The following SRBD1 variants were observed in gnomAD, a reference collection of about 807,000 sequenced individuals.
The protein encoded by SRBD1 is S1 RNA binding domain 1, also known as S1 RNA-binding domain-containing protein 1.
A neutral mutation model predicts 115.3 loss-of-function variants in SRBD1; 88 were observed. The ratio of observed to expected loss-of-function variants is 0.76; its 90% CI spans 0.64 to 0.91. SRBD1 has a LOEUF of 0.91. SRBD1 is among the 40% of genes least tolerant of loss of function. SRBD1 has a pLI of 0.00. For synonymous variants in SRBD1, 509 were observed against 407.7 expected, an observed-to-expected ratio of 1.25 and a Z score of -2.99; for missense variants, 1,385 against 1,177.4, an observed-to-expected ratio of 1.18 and a Z score of -2.58.
chr2:45,403,331 C>CA (rs3835986), intron 19 of SRBD1, among the ~76,000 whole-genome samples: 94,347 of 149,812 alleles, frequency 0.63, 29,978 homozygotes, highest in Non-Finnish European at 0.69. Context: ...TTAGATTATA[C>CA]AAAAAAAAAA....
At chr2:45,499,997 T>C (rs1670578270) in intron 14 of SRBD1, among the ~76,000 whole-genome samples, 1 of 151,754 alleles carries the variant, frequency 6.6e-6, no homozygotes, top group South Asian at 2.1e-4. Flanking sequence ...TTGTTTCATT[T>C]GAATTTTTAG....
intron 19 of SRBD1, among the ~76,000 whole-genome samples, chr2:45,409,342 G>T (rs149265283): frequency 6.6e-6 from 1 of 151,712 alleles, no homozygotes; most frequent in Non-Finnish European, 1.5e-5. Flanking sequence ...ATGAATCCCT[G>T]TGCACATATG....
intron 14 of SRBD1, among the ~76,000 whole-genome samples, chr2:45,544,461 T>G (rs934440184): frequency 1.3e-5 from 2 of 152,150 alleles, no homozygotes; most frequent in Non-Finnish European, 2.9e-5. Flanking sequence ...TCAGAGGCAG[T>G]AGGTGGCAGG....
At chr2:45,557,521 T>C (rs1672520335) in intron 10 of SRBD1, among the ~76,000 whole-genome samples, 2 of 152,226 alleles carry the variant, frequency 1.3e-5, no homozygotes, top group Admixed American at 1.3e-4. Context: ...GCTATGGGTC[T>C]ATTTAATACT....
chr2:45,469,754 G>A (rs775344260), intron 16 of SRBD1, among the ~76,000 whole-genome samples: 2 of 152,182 alleles, frequency 1.3e-5, no homozygotes, highest in Non-Finnish European at 2.9e-5. Flanking sequence ...TCAATTACTT[G>A]TTTTCCTTCA....
intron 14 of SRBD1, among the ~76,000 whole-genome samples, chr2:45,545,806 A>T (rs1006606512): frequency 6.6e-6 from 1 of 152,142 alleles, no homozygotes; most frequent in Non-Finnish European, 1.5e-5. Flanking sequence ...TGTTTTTCTG[A>T]CTGACTCTGA....
At chr2:45,499,074 G>C (rs1670549143) in intron 14 of SRBD1, among the ~76,000 whole-genome samples, 1 of 152,070 alleles carries the variant, frequency 6.6e-6, no homozygotes, top group Non-Finnish European at 1.5e-5. Flanking sequence ...AACCCATATA[G>C]AATTTTCCAC....
At chr2:45,549,014 G>C (rs1046013097) in intron 12 of SRBD1, 3 of 152,212 alleles carry the variant, frequency 2.0e-5, no homozygotes, top group African/African-American at 7.2e-5. Flanking sequence ...TCAACAGTCA[G>C]TTTGAGAACA....
intron 14 of SRBD1, among the ~76,000 whole-genome samples, chr2:45,528,619 G>C (rs1240978521): frequency 1.3e-5 from 2 of 151,860 alleles, no homozygotes; most frequent in Non-Finnish European, 2.9e-5. Flanking sequence ...CATGTCTCTG[G>C]TGAGAACTTG....
rs746768043 is a variant in SRBD1 at position 45,389,385 on chromosome 2, T to C, written c.2913A>G (p.Glu971=). 11 of 1,614,112 alleles carry C rather than the reference T, an allele frequency of 6.8e-6. 1 individual carries two copies. In the South Asian group the frequency reaches 1.2e-4, roughly 18 times the overall value. ...TGTTGAGTACTTGGACTTCCACTCT[T>C]TCTCCGGGGCCCAGTCCAAGGCTTC... ...KRRSLGLGPG[E]RVEVQVLNID... Residue 971 remains glutamate (E), a synonymous_variant, in exon 21 of 21, where the codon GAA becomes GAG. Coordinates refer to ENST00000263736, the MANE Select transcript of SRBD1 (RefSeq NM_018079.5).
chr2:45,571,015 A>AGG (rs1672988701), intron 9 of SRBD1, among the ~76,000 whole-genome samples: 1 of 152,146 alleles, frequency 6.6e-6, no homozygotes, highest in Non-Finnish European at 1.5e-5. Flanking sequence ...CTTGGAAATG[A>AGG]GATATTTGAG....
chr2:45,602,147 A>T, intron 2 of SRBD1, 64 bp from the exon 3 acceptor site: 1 of 1,527,094 alleles, frequency 6.5e-7, no homozygotes, highest in South Asian at 1.3e-5. Context: ...GGTAAAAAAG[A>T]GATGCAAGAT....
intron 2 of SRBD1, among the ~76,000 whole-genome samples, chr2:45,603,154 C>A (rs17033909): frequency 4.6e-5 from 7 of 152,278 alleles, no homozygotes; most frequent in African/African-American, 1.7e-4. Context: ...ACCTATCAAC[C>A]AGGATTACTG....
At chr2:45,523,396 T>C (rs534667513) in intron 14 of SRBD1, among the ~76,000 whole-genome samples, 7 of 151,614 alleles carry the variant, frequency 4.6e-5, no homozygotes, top group African/African-American at 9.7e-5. Context: ...AACTCCAAAG[T>C]TGAACTCAAA....
At chr2:45,537,202 C>A (rs1671788388) in intron 14 of SRBD1, among the ~76,000 whole-genome samples, 1 of 152,148 alleles carries the variant, frequency 6.6e-6, no homozygotes, top group Non-Finnish European at 1.5e-5. Context: ...GACACAAATT[C>A]ATCACACTTT....
intron 10 of SRBD1, among the ~76,000 whole-genome samples, chr2:45,560,585 T>C (rs1017445807): frequency 6.6e-6 from 1 of 152,312 alleles, no homozygotes; most frequent in East Asian, 1.9e-4. Context: ...AGAAATTAAG[T>C]AGCATGCCCA....
chr2:45,546,363 T>G, intron 14 of SRBD1: 1 of 985,282 alleles, frequency 1.0e-6, no homozygotes, highest in Non-Finnish European at 1.2e-6. Flanking sequence ...CTTCAAAGCT[T>G]TGGGAGAAAA....
chr2:45,581,087 C>T (rs1406181944), intron 6 of SRBD1, among the ~76,000 whole-genome samples: 1 of 152,136 alleles, frequency 6.6e-6, no homozygotes, highest in Non-Finnish European at 1.5e-5. Flanking sequence ...ATGATGATCT[C>T]CTAATTACCA....
intron 16 of SRBD1, among the ~76,000 whole-genome samples, chr2:45,473,058 C>T (rs1207985044): frequency 6.6e-6 from 1 of 151,506 alleles, no homozygotes; most frequent in Admixed American, 6.6e-5. Context: ...TTAGCCCATT[C>T]ACTTTTAAAT....
Sources: allele counts gnomAD v4.1 joint callset (sites outside exome capture counted in the v4.1 genomes callset), GRCh38; gene constraint gnomAD v4.1.1; transcripts MANE v1.5; gene names NCBI Gene and HGNC (gene_info 2026-07-23, HGNC 2026-07-21).